PDS5B: variants seen among roughly 807,000 people sequenced by gnomAD.
PDS5B encodes sister chromatid cohesion protein PDS5 homolog B.
A neutral mutation model predicts 184.1 loss-of-function variants in PDS5B; 51 were observed. The ratio of observed to expected loss-of-function variants is 0.28; its 90% confidence interval spans 0.22 to 0.35. The LOEUF (loss-of-function observed/expected upper bound fraction) is 0.35. Among genes scored for constraint, PDS5B ranks in the 10% least tolerant of loss-of-function variants. PDS5B has a pLI of 1.00. For synonymous variants in PDS5B, 566 were observed against 569.2 expected, an observed-to-expected ratio of 0.99 and a Z score of 0.08; for missense variants, 1,180 against 1,723.3, an observed-to-expected ratio of 0.68 and a Z score of 5.58.
intron 19 of PDS5B, among the ~76,000 whole-genome samples, chr13:32,731,065 A>G (rs1331066802): frequency 2.0e-5 from 3 of 152,106 alleles, no homozygotes; most frequent in African/African-American, 7.2e-5. Context: ...CCCATTCAGT[A>G]TAATATTAAA....
chr13:32,735,410 A>G (rs1953296868), intron 21 of PDS5B, 80 bp downstream of exon 21: 1 of 938,628 alleles, frequency 1.1e-6, no homozygotes, highest in Non-Finnish European at 1.6e-6. Flanking sequence ...AAGTGAAATG[A>G]TATCAATAAT....
At chr13:32,770,041 C>T in intron 31 of PDS5B, 80 bp from the exon 32 acceptor site, 1 of 1,239,772 alleles carries the variant, frequency 8.1e-7, no homozygotes, top group East Asian at 2.4e-5. Context: ...CATTAGATAA[C>T]AGATTTTTTT....
intron 25 of PDS5B, among the ~76,000 whole-genome samples, chr13:32,754,178 G>A (rs1292347168): frequency 6.6e-6 from 1 of 152,038 alleles, no homozygotes; most frequent in Non-Finnish European, 1.5e-5. Context: ...TTGCCTCCCT[G>A]TTGTAATTGT....
At chr13:32,661,385 C>CAAAAAAAAAAAAAAAAAAAAAAAAAAAAA (rs747985772) in intron 6 of PDS5B, among the ~76,000 whole-genome samples, 3 of 31,994 alleles carry the variant, frequency 9.4e-5, no homozygotes, top group Non-Finnish European at 1.1e-4. Flanking sequence ...GACTCTGTCT[C>CAAAAAAAAAAAAAAAAAAAAAAAAAAAAA]AAAAAAAAAA....
chr13:32,706,136 G>C lies in PDS5B; in HGVS notation c.1857-798G>C, dbSNP rs569731384. On this transcript the variant is annotated intron_variant, in intron 17 of 34. Coordinates refer to ENST00000315596, the MANE Select transcript of PDS5B (RefSeq NM_015032.4). ...CTACTAAAAATACAAAAATTAGCTG[G>C]GTTTGTTGGCGCGCACCTGTAATCC... Among the ~76,000 whole-genome samples, 497 of 152,018 alleles carry C rather than the reference G, an allele frequency of 3.3e-3. 1 individual carries two copies. The highest frequency in any genetic ancestry group is 4.8e-3 in the Admixed American group (74 of 15,262).
intron 13 of PDS5B, chr13:32,691,187 ATGTATG>A (rs1278245130): frequency 6.6e-6 from 1 of 151,962 alleles, no homozygotes; most frequent in Non-Finnish European, 1.5e-5. Context: ...ATACATGTAT[ATGTATG>A]TGTATATATG....
chr13:32,671,350 G>A (rs568380076), intron 7 of PDS5B, among the ~76,000 whole-genome samples: 2 of 152,232 alleles, frequency 1.3e-5, no homozygotes, highest in South Asian at 2.1e-4. Context: ...TTCCCAGACT[G>A]TTAGAAGAAG....
At chr13:32,646,801 A>T (rs1363892343) in intron 1 of PDS5B, among the ~76,000 whole-genome samples, 1 of 151,958 alleles carries the variant, frequency 6.6e-6, no homozygotes, top group African/African-American at 2.4e-5. Flanking sequence ...AAATACTTAC[A>T]CCTCTTAGTT....
chr13:32,612,708 A>C (rs762464772), intron 1 of PDS5B, among the ~76,000 whole-genome samples: 4 of 152,220 alleles, frequency 2.6e-5, no homozygotes, highest in African/African-American at 4.8e-5. Flanking sequence ...TAGTTATCAC[A>C]GGAGTGGATT....
chr13:32,742,998 A>G (rs1295949636), intron 23 of PDS5B, among the ~76,000 whole-genome samples: 1 of 151,054 alleles, frequency 6.6e-6, no homozygotes, highest in Non-Finnish European at 1.5e-5. Context: ...TGAGTGTACC[A>G]GTCAATAACT....
intron 1 of PDS5B, among the ~76,000 whole-genome samples, chr13:32,602,545 C>A (rs538695795): frequency 1.3e-5 from 2 of 151,994 alleles, no homozygotes; most frequent in African/African-American, 4.8e-5. Flanking sequence ...TGAATAGTGC[C>A]GCAATAAACA....
chr13:32,708,552 G>C (rs532756283), intron 18 of PDS5B, among the ~76,000 whole-genome samples: 4 of 152,220 alleles, frequency 2.6e-5, no homozygotes, highest in Non-Finnish European at 5.9e-5. Context: ...TTGCTGTACA[G>C]GGAAATTTTA....
intron 6 of PDS5B, 35 bp downstream of exon 6, chr13:32,659,315 C>A: frequency 6.8e-7 from 1 of 1,472,898 alleles, no homozygotes; most frequent in Non-Finnish European, 9.2e-7. Flanking sequence ...GTGTCTAATG[C>A]CCGTTAATAT....
Position 32,659,276 on chromosome 13 carries a change from A to G in PDS5B, c.620A>G (p.His207Arg), listed in dbSNP as rs1164002505. 4 of 1,584,794 alleles carry G rather than the reference A, an allele frequency of 2.5e-6. No homozygotes were observed. The Admixed American group carries it at 5.0e-5, about 20-fold the overall frequency. Residue 207 changes from histidine (H) to arginine (R), a missense_variant, in exon 6 of 35, where the codon CAT (histidine) becomes CGT (arginine). Transcript: ENST00000315596. ...GTTTTAGTAAATCTGGTACCTGCTC[A>G]TAAGGTGAGTAGCAATGTATACTGT... ...DTVLVNLVPA[H>R]KNLNKQAYDL...
intron 17 of PDS5B, among the ~76,000 whole-genome samples, chr13:32,702,250 TAGAG>T (rs1481794262): frequency 1.3e-5 from 2 of 152,126 alleles, no homozygotes; most frequent in Non-Finnish European, 2.9e-5. Flanking sequence ...CCCTTGCAAA[TAGAG>T]AGACCCTACT....
At chr13:32,635,991 G>A (rs1216965004) in intron 1 of PDS5B, among the ~76,000 whole-genome samples, 5 of 151,444 alleles carry the variant, frequency 3.3e-5, no homozygotes, top group African/African-American at 1.2e-4. Flanking sequence ...TGATGGTCTC[G>A]ATCTCCTGAC....
chr13:32,697,308 G>T (rs1218428456), intron 15 of PDS5B, among the ~76,000 whole-genome samples: 9 of 152,230 alleles, frequency 5.9e-5, no homozygotes, highest in Admixed American at 5.9e-4. Flanking sequence ...AAAGGATTAT[G>T]TGGAACATCT....
intron 24 of PDS5B, among the ~76,000 whole-genome samples, chr13:32,752,526 A>G (rs1954023541): frequency 1.3e-5 from 2 of 152,324 alleles, no homozygotes; most frequent in South Asian, 4.1e-4. Flanking sequence ...GGTAAGACAG[A>G]CATTTAAACC....
At chr13:32,751,306 A>G (rs557202248) in intron 24 of PDS5B, among the ~76,000 whole-genome samples, 6 of 152,366 alleles carry the variant, frequency 3.9e-5, no homozygotes, top group African/African-American at 1.4e-4. Context: ...ATAGTGCTGC[A>G]GTGAACATAT....
Sources: gnomAD v4.1 joint callset for allele counts (sites outside exome capture counted in the v4.1 genomes callset) on GRCh38, gnomAD v4.1.1 for gene constraint, MANE v1.5 for transcripts, NCBI Gene and HGNC (gene_info 2026-07-23, HGNC 2026-07-21) for gene names.